Variants in SLC24A3 observed in about 807,000 individuals in gnomAD.
The protein encoded by SLC24A3 is solute carrier family 24 member 3.
In SLC24A3, 28 loss-of-function variants were observed where a neutral mutation model predicts 75.8. The ratio of observed to expected loss-of-function variants is 0.37; its 90% CI spans 0.27 to 0.51. The LOEUF is 0.51. Among genes scored for constraint, SLC24A3 ranks in the 20% least tolerant of loss-of-function variants. The pLI, the probability that SLC24A3 is intolerant of heterozygous loss-of-function variation, is 0.94. For synonymous variants in SLC24A3, 372 were observed against 334.1 expected, an observed-to-expected ratio of 1.11 and a Z score of -1.24; for missense variants, 663 against 847.8, an observed-to-expected ratio of 0.78 and a Z score of 2.71.
chr20:19,232,210 A>G (rs1443747951), intron 1 of SLC24A3, among the ~76,000 whole-genome samples: 1 of 152,242 alleles, frequency 6.6e-6, no homozygotes, highest in Non-Finnish European at 1.5e-5. Context: ...TCATATGTGT[A>G]AATATTATTC....
intron 1 of SLC24A3, among the ~76,000 whole-genome samples, chr20:19,216,731 C>T (rs1483785313): frequency 6.6e-6 from 1 of 152,148 alleles, no homozygotes. Context: ...ATACTTTGAG[C>T]TACTTTCTAT....
chr20:19,633,212 A>G (rs2031955424), intron 6 of SLC24A3, among the ~76,000 whole-genome samples: 1 of 152,188 alleles, frequency 6.6e-6, no homozygotes, highest in African/African-American at 2.4e-5. Context: ...ACATTTCTAA[A>G]AGCTAGAAGT....
chr20:19,386,495 C>G (rs1479502078), intron 2 of SLC24A3, among the ~76,000 whole-genome samples: 2 of 152,116 alleles, frequency 1.3e-5, no homozygotes, highest in East Asian at 3.8e-4. Context: ...CTTGTAATAG[C>G]TCTTAGAGTA....
rs762087282 is a variant in SLC24A3, at chr20:19,691,161, C to T, written c.1325-2098C>T. The stretch of plus-strand genomic sequence containing the variant: ...CTGATGGTTTAAGACAGGAAATATT[C>T]GCATGAAACAAATAAAAATATTTGC... On this transcript the variant is annotated intron_variant, in intron 12 of 16. Transcript: ENST00000328041. Among the ~76,000 whole-genome samples, 10 of 152,212 alleles carry T rather than the reference C, an allele frequency of 6.6e-5. No homozygotes were observed. The South Asian group carries it at 1.7e-3, about 25-fold the overall frequency.
At chr20:19,385,235 A>G (rs1986252920) in intron 2 of SLC24A3, among the ~76,000 whole-genome samples, 1 of 152,222 alleles carries the variant, frequency 6.6e-6, no homozygotes, top group African/African-American at 2.4e-5. Context: ...ACCTATGTCA[A>G]GAAGCTTTCA....
chr20:19,328,553 A>G (rs368020253), intron 2 of SLC24A3, among the ~76,000 whole-genome samples: 1 of 152,158 alleles, frequency 6.6e-6, no homozygotes, highest in East Asian at 1.9e-4. Context: ...ATTGGTGACA[A>G]CACCCTGAAG....
At chr20:19,526,961 T>C (rs2030209287) in intron 3 of SLC24A3, among the ~76,000 whole-genome samples, 1 of 152,098 alleles carries the variant, frequency 6.6e-6, no homozygotes, top group Non-Finnish European at 1.5e-5. Context: ...CCATAATCCA[T>C]GTGATGACTA....
At chr20:19,515,456 T>C (rs1450296709) in intron 2 of SLC24A3, 32 bp from the exon 3 acceptor site, 1 of 1,610,704 alleles carries the variant, frequency 6.2e-7, no homozygotes, top group Non-Finnish European at 8.5e-7. Flanking sequence ...TGGTCACCTG[T>C]GCTGAGACGG....
At chr20:19,488,784 C>T (rs1988165017) in intron 2 of SLC24A3, among the ~76,000 whole-genome samples, 1 of 152,084 alleles carries the variant, frequency 6.6e-6, no homozygotes, top group South Asian at 2.1e-4. Context: ...GTTTTATATA[C>T]ACCTTCTACA....
chr20:19,653,267 G>C (rs539496035), intron 6 of SLC24A3, among the ~76,000 whole-genome samples: 1 of 152,202 alleles, frequency 6.6e-6, no homozygotes, highest in Non-Finnish European at 1.5e-5. Flanking sequence ...TCCTCTTGCA[G>C]GGAAAGGCTG....
intron 6 of SLC24A3, among the ~76,000 whole-genome samples, chr20:19,588,347 GC>G (rs1280570899): frequency 6.6e-6 from 1 of 152,200 alleles, no homozygotes; most frequent in African/African-American, 2.4e-5. Context: ...ACCAGCGAGT[GC>G]CCGTGGGCCT....
intron 9 of SLC24A3, among the ~76,000 whole-genome samples, chr20:19,676,265 A>G (rs1360438769): frequency 1.3e-5 from 2 of 152,212 alleles, no homozygotes; most frequent in Non-Finnish European, 2.9e-5. Flanking sequence ...AAGATAGTAC[A>G]GCGAACACAT....
chr20:19,623,149 T>G (rs1423033755), intron 6 of SLC24A3, among the ~76,000 whole-genome samples: 1 of 152,152 alleles, frequency 6.6e-6, no homozygotes, highest in East Asian at 1.9e-4. Flanking sequence ...TTTTATTTTT[T>G]AAACAAAAAA....
At chr20:19,456,341 C>T (rs1481758278) in intron 2 of SLC24A3, among the ~76,000 whole-genome samples, 5 of 152,100 alleles carry the variant, frequency 3.3e-5, no homozygotes, top group Admixed American at 6.5e-5. Flanking sequence ...ATAATTGAAT[C>T]GTGGGGGCAG....
At chr20:19,404,717 G>T (rs1261682505) in intron 2 of SLC24A3, among the ~76,000 whole-genome samples, 1 of 152,178 alleles carries the variant, frequency 6.6e-6, no homozygotes, top group Non-Finnish European at 1.5e-5. Flanking sequence ...GGTCTGTTCA[G>T]AGTGCAAGCA....
At chr20:19,615,036 T>C (rs1014186322) in intron 6 of SLC24A3, among the ~76,000 whole-genome samples, 20 of 145,308 alleles carry the variant, frequency 1.4e-4, no homozygotes, top group African/African-American at 4.7e-4. Flanking sequence ...ATGTGGTCTT[T>C]AGCTTCATCC....
chr20:19,449,579 T>C (rs1046332016), intron 2 of SLC24A3, among the ~76,000 whole-genome samples: 4 of 152,234 alleles, frequency 2.6e-5, no homozygotes. Context: ...CTATGGCTCT[T>C]GAGCTAGGGT....
At chr20:19,353,637 G>A (rs1445641076) in intron 2 of SLC24A3, among the ~76,000 whole-genome samples, 2 of 152,172 alleles carry the variant, frequency 1.3e-5, no homozygotes, top group African/African-American at 4.8e-5. Flanking sequence ...GGCTGCAGAG[G>A]AAGACAGAGC....
chr20:19,712,566 A>G (rs960394659), intron 15 of SLC24A3, among the ~76,000 whole-genome samples: 1 of 152,176 alleles, frequency 6.6e-6, no homozygotes, highest in Non-Finnish European at 1.5e-5. Context: ...GGTGCTGACT[A>G]CAGAGAAGGG....
Sources: allele counts gnomAD v4.1 joint callset (sites outside exome capture counted in the v4.1 genomes callset), GRCh38; gene constraint gnomAD v4.1.1; transcripts MANE v1.5; gene names NCBI Gene and HGNC (gene_info 2026-07-23, HGNC 2026-07-21).